NXN: variants seen among roughly 807,000 people sequenced by gnomAD.
The protein encoded by NXN is nucleoredoxin.
In NXN, 16 loss-of-function variants were observed where a neutral mutation model predicts 48.6. That is an observed-to-expected ratio of 0.33 (90% CI 0.22 to 0.50). NXN has a LOEUF of 0.50. Among genes scored for constraint, NXN ranks in the 20% least tolerant of loss-of-function variants. The pLI is 0.98. For missense variants in NXN, 492 were observed against 605.5 expected, an observed-to-expected ratio of 0.81 and a Z score of 1.97; for synonymous variants, 281 against 269.6, an observed-to-expected ratio of 1.04 and a Z score of -0.41.
intron 1 of NXN, among the ~76,000 whole-genome samples, chr17:976,189 C>CTT (rs71371601): frequency 1.9e-4 from 28 of 147,208 alleles, no homozygotes; most frequent in South Asian, 4.3e-4. Flanking sequence ...CATTTTTGTC[C>CTT]TTTTTTTTTT....
At chr17:935,592 A>T (rs62067222) in intron 1 of NXN, among the ~76,000 whole-genome samples, 4,729 of 151,986 alleles carry the variant, frequency 0.031, 90 homozygotes, top group African/African-American at 0.046. Context: ...GCGCTCATTC[A>T]CTCCACACGT....
At chr17:965,883 G>A (rs1318317018) in intron 1 of NXN, among the ~76,000 whole-genome samples, 3 of 152,040 alleles carry the variant, frequency 2.0e-5, no homozygotes, top group East Asian at 3.9e-4. Context: ...TTGGGAGGCC[G>A]AGGTGGGGAA....
At chr17:943,833 G>GA (rs561105779) in intron 1 of NXN, among the ~76,000 whole-genome samples, 3,114 of 146,918 alleles carry the variant, frequency 0.021, 110 homozygotes, top group African/African-American at 0.072. Context: ...TCTAAAAAAG[G>GA]AAAAAAAAAT....
chr17:894,762 G>A (rs1406202651), intron 1 of NXN, among the ~76,000 whole-genome samples: 1 of 152,220 alleles, frequency 6.6e-6, no homozygotes, highest in Non-Finnish European at 1.5e-5. Context: ...CATGACGGAG[G>A]CGCCCCAAGA....
chr17:861,128 A>G (rs2068035935), intron 1 of NXN, among the ~76,000 whole-genome samples: 1 of 147,954 alleles, frequency 6.8e-6, no homozygotes, highest in Non-Finnish European at 1.5e-5. Flanking sequence ...ACACATTTAA[A>G]TTTCTCAGCT....
chr17:911,887 C>A (rs147002452), intron 1 of NXN, among the ~76,000 whole-genome samples: 3 of 152,032 alleles, frequency 2.0e-5, no homozygotes, highest in Non-Finnish European at 4.4e-5. Context: ...CAGTCTGGCC[C>A]TCAGGTAATC....
chr17:810,253 G>T (rs1311802976), intron 5 of NXN, among the ~76,000 whole-genome samples: 1 of 138,264 alleles, frequency 7.2e-6, no homozygotes, highest in Admixed American at 7.2e-5. Flanking sequence ...TTACGAGTCT[G>T]TGAGTGGCGT....
chr17:830,239 G>A lies in NXN; in HGVS notation c.361-4161C>T, dbSNP rs779571970. On this transcript the variant is annotated intron_variant, in intron 1 of 7. Transcript: ENST00000336868. The surrounding 1 kb of genome is among the most constrained non-coding windows in gnomAD (Gnocchi z 4.2). ...TGAGCGCCCACTGTGTGCCAGGCTC[G>A]TTCTAAGCACAAGAGATTCAGTTAA... is the stretch of plus-strand genomic sequence containing the variant. Among the ~76,000 whole-genome samples, 6 of 152,194 alleles carry A rather than the reference G, an allele frequency of 3.9e-5. No individual in the cohort carries two copies. Among genetic ancestry groups the A allele is most frequent in the East Asian group, 1.9e-4 (1 of 5,204 alleles).
intron 5 of NXN, among the ~76,000 whole-genome samples, chr17:809,553 C>T (rs1412450949): frequency 6.6e-6 from 1 of 152,154 alleles, no homozygotes; most frequent in Non-Finnish European, 1.5e-5. Flanking sequence ...GGCTGTGACC[C>T]AGCCTTCTCT....
intron 1 of NXN, among the ~76,000 whole-genome samples, chr17:836,963 C>CTATTAT (rs5818770): frequency 0.15 from 21,179 of 144,728 alleles, 1,790 homozygotes; most frequent in Middle Eastern, 0.28. Flanking sequence ...AGCTTAGTTG[C>CTATTAT]TATTATTATT....
rs1408892921 is a variant in NXN at position 972,370 on chromosome 17, G to C, written c.360+6949C>G. Among the ~76,000 whole-genome samples the C allele has an allele frequency of 2.0e-5, 3 of 152,114 alleles. No individual in the cohort carries two copies. The South Asian group carries it at 6.2e-4, about 31-fold the overall frequency. ...CTGGCGCCTGTAATCCCAGCTACTC[G>C]GGAGGCTGAGGCAGGAGAATCGCTT... On this transcript the variant is annotated intron_variant, in intron 1 of 7. Transcript: ENST00000336868.
chr17:953,307 T>C (rs971183887), intron 1 of NXN, among the ~76,000 whole-genome samples: 1 of 151,954 alleles, frequency 6.6e-6, no homozygotes, highest in Admixed American at 6.6e-5. Context: ...CCCAGCTACT[T>C]GGGAGGCTGA....
chr17:892,050 AC>A (rs1377361339), intron 1 of NXN, among the ~76,000 whole-genome samples: 26 of 150,882 alleles, frequency 1.7e-4, no homozygotes, highest in African/African-American at 4.9e-4. Flanking sequence ...CCAACAGGGA[AC>A]CTAAACTAAC....
chr17:914,083 A>G (rs1313242712), intron 1 of NXN, among the ~76,000 whole-genome samples: 1 of 152,168 alleles, frequency 6.6e-6, no homozygotes, highest in African/African-American at 2.4e-5. Flanking sequence ...TATTTTTAAT[A>G]GAGACAGGGT....
chr17:819,606 C>T, intron 4 of NXN, 61 bp from the exon 5 acceptor site: 1 of 1,199,370 alleles, frequency 8.3e-7, no homozygotes, highest in Non-Finnish European at 1.2e-6. Flanking sequence ...ACGCTGAATC[C>T]TCCCACCTCT....
intron 1 of NXN, among the ~76,000 whole-genome samples, chr17:974,029 T>C (rs1212080223): frequency 6.6e-6 from 1 of 151,754 alleles, no homozygotes; most frequent in Non-Finnish European, 1.5e-5. Flanking sequence ...TGTATGCTTG[T>C]AAAAGTCATT....
At chr17:901,482 C>T (rs2068537292) in intron 1 of NXN, among the ~76,000 whole-genome samples, 1 of 152,176 alleles carries the variant, frequency 6.6e-6, no homozygotes, top group South Asian at 2.1e-4. Flanking sequence ...GCTTCAGCTG[C>T]CCTGACCTCT....
intron 1 of NXN, among the ~76,000 whole-genome samples, chr17:904,266 AG>A (rs1374431852): frequency 1.3e-5 from 2 of 149,800 alleles, no homozygotes; most frequent in Non-Finnish European, 3.0e-5. Flanking sequence ...TGCTGCGGAG[AG>A]CGGGACCTGC....
intron 1 of NXN, among the ~76,000 whole-genome samples, chr17:839,705 G>A (rs1190722310): frequency 1.3e-5 from 2 of 150,458 alleles, no homozygotes; most frequent in Non-Finnish European, 2.9e-5. Context: ...AGGAGGTTGA[G>A]GCAGGAGGAT....
Sources: allele counts gnomAD v4.1 joint callset (sites outside exome capture counted in the v4.1 genomes callset), GRCh38; gene constraint gnomAD v4.1.1; non-coding constraint Gnocchi (gnomAD v3.1); transcripts MANE v1.5; gene names NCBI Gene and HGNC (gene_info 2026-07-23, HGNC 2026-07-21).